The following CREB3L2 variants were observed in gnomAD, a reference collection of about 807,000 sequenced individuals.
The protein encoded by CREB3L2 is cAMP responsive element binding protein 3 like 2, also known as cyclic AMP-responsive element-binding protein 3-like protein 2.
Under a neutral mutation model 57.2 loss-of-function variants are expected in CREB3L2, and 23 were observed. The ratio of observed to expected loss-of-function variants is 0.40; its 90% CI spans 0.29 to 0.57. CREB3L2 has a LOEUF of 0.57. Among genes scored for constraint, CREB3L2 ranks in the 20% least tolerant of loss-of-function variants. The probability of loss-of-function intolerance (pLI) is 0.42; values close to 1 mark genes in which losing one functional copy is unlikely to be tolerated. For missense variants in CREB3L2, 628 were observed against 634.7 expected (o/e 0.99, Z 0.11); for synonymous variants, 268 against 265.1 (o/e 1.01, Z -0.11).
In CREB3L2 at chr7:137,928,259, C is replaced by T. The variant is rs368188380; in HGVS notation, c.210G>A (p.Pro70=). The T allele has an allele frequency of 4.3e-6, 7 of 1,613,630 alleles. No homozygotes were observed. The highest frequency in any genetic ancestry group is 3.3e-5 in the Admixed American group (2 of 59,954). The change falls in exon 2 of 12, where the codon CCG becomes CCA. Residue 70 remains proline (P), a synonymous_variant. Transcript: ENST00000330387. Reference sequence around the variant, plus strand: ...CCTGGATGAGAGGCGCCGGGGACGTCGGGGAAGGTTCCACCTCCATTGACA... The same window carrying T: ...CCTGGATGAGAGGCGCCGGGGACGTTGGGGAAGGTTCCACCTCCATTGACA... ...KSVSMEVEPS[P]TSPAPLIQAE...
At chr7:137,896,413 C>T (rs999654086) in intron 8 of CREB3L2, among the ~76,000 whole-genome samples, 3 of 152,090 alleles carry the variant, frequency 2.0e-5, no homozygotes, top group Admixed American at 6.6e-5. Context: ...GTGATTCTCC[C>T]GCCTCAGCCT....
intron 8 of CREB3L2, among the ~76,000 whole-genome samples, chr7:137,896,378 C>T (rs6973841): frequency 0.1 from 15,556 of 148,696 alleles, 2,440 homozygotes; most frequent in African/African-American, 0.36. Context: ...CTCGGCTCAC[C>T]GTAACCTCCG....
intron 1 of CREB3L2, among the ~76,000 whole-genome samples, chr7:137,970,552 A>G (rs1018645892): frequency 5.0e-5 from 7 of 141,088 alleles, no homozygotes; most frequent in Non-Finnish European, 1.6e-5. Context: ...TGTAAGAAGG[A>G]AAAATGGGTC....
Position 137,879,354 on chromosome 7 carries a change from G to C in CREB3L2, c.*1122C>G. The C allele has an allele frequency of 2.0e-6, 1 of 497,320 alleles. No homozygotes were observed. The allele number at this position is 497,320 out of a possible 1,614,324, so 30.8% of individuals were successfully genotyped here. ...AGTGGAAGTGTGGAGGGAGGAGGGG[G>C]CCAGGCAGGTGTGGAAAGCCAGCAA... On this transcript the variant is annotated 3_prime_UTR_variant, in exon 12 of 12. Coordinates refer to ENST00000330387, the MANE Select transcript of CREB3L2 (RefSeq NM_194071.4).
chr7:137,912,188 C>T (rs61630772), intron 4 of CREB3L2, among the ~76,000 whole-genome samples: 6,316 of 152,102 alleles, frequency 0.042, 410 homozygotes, highest in African/African-American at 0.14. Context: ...ACCAGCCTGA[C>T]CAATGTGGCA....
chr7:137,994,118 C>G (rs562228409), intron 1 of CREB3L2, among the ~76,000 whole-genome samples: 1 of 152,308 alleles, frequency 6.6e-6, no homozygotes, highest in South Asian at 2.1e-4. Context: ...AAAACAAGGG[C>G]AGCACTCCCT....
intron 2 of CREB3L2, chr7:137,922,491 C>T (rs865795921): frequency 0.042 from 8,808 of 208,376 alleles, 1,112 homozygotes; most frequent in African/African-American, 0.22. Context: ...TATATACACA[C>T]ACACACACAC....
chr7:137,899,491 A>G (rs1799708395), intron 8 of CREB3L2, among the ~76,000 whole-genome samples: 1 of 152,248 alleles, frequency 6.6e-6, no homozygotes, highest in African/African-American at 2.4e-5. Flanking sequence ...AGGATGCTAA[A>G]AACATGCATA....
chr7:137,889,263 T>G (rs934221920), intron 8 of CREB3L2, among the ~76,000 whole-genome samples: 6 of 152,088 alleles, frequency 3.9e-5, no homozygotes, highest in African/African-American at 1.4e-4. Flanking sequence ...TGAAAGAATA[T>G]CTTAGGCTCA....
chr7:137,985,451 T>C (rs111861803), intron 1 of CREB3L2, among the ~76,000 whole-genome samples: 3,173 of 152,264 alleles, frequency 0.021, 123 homozygotes, highest in African/African-American at 0.071. Context: ...CCAGGCCTCG[T>C]GGATGGAGAG....
intron 1 of CREB3L2, among the ~76,000 whole-genome samples, chr7:137,964,433 C>A (rs897578614): frequency 2.0e-5 from 3 of 152,218 alleles, no homozygotes; most frequent in African/African-American, 4.8e-5. Flanking sequence ...TGTGTTTCGA[C>A]AGGGGAATGT....
Position 137,941,432 on chromosome 7 carries a change from G to A in CREB3L2, c.103-13066C>T, listed in dbSNP as rs140489218. Among the ~76,000 whole-genome samples the A allele has an allele frequency of 3.1e-3, 468 of 152,266 alleles. 3 individuals are homozygous for A. The highest frequency in any genetic ancestry group is 0.01 in the African/African-American group (434 of 41,544). On this transcript the variant is annotated intron_variant, in intron 1 of 11. Transcript: ENST00000330387. ...GTTAGCAACCGCAGTTATTGGGAGC[G>A]CAGTAGCCATTGGCTGTCCGCTCCT...
chr7:137,875,983 C>G lies in CREB3L2; in HGVS notation c.*4493G>C. The G allele has an allele frequency of 4.4e-6, 1 of 228,064 alleles. No individual in the cohort carries two copies. The allele number at this position is 228,064 out of a possible 1,614,324, so 14.1% of individuals were successfully genotyped here. A position where few individuals can be genotyped will look rare whatever the true frequency, so the allele number is the denominator to read the frequency against. ...CACAAAGGCATGGAACATTAATCTT[C>G]AAATGAGCCAGGTTCCTTTGCCCTG... On this transcript the variant is annotated 3_prime_UTR_variant, in exon 12 of 12. Coordinates refer to ENST00000330387, the MANE Select transcript of CREB3L2 (RefSeq NM_194071.4).
intron 8 of CREB3L2, among the ~76,000 whole-genome samples, chr7:137,891,356 TTTTC>T (rs1228067983): frequency 1.8e-4 from 27 of 152,228 alleles, no homozygotes; most frequent in African/African-American, 2.4e-5. Context: ...CAGTCTCATG[TTTTC>T]TTTGTCTTTG....
chr7:137,906,495 C>A (rs571104492), intron 5 of CREB3L2, among the ~76,000 whole-genome samples: 2 of 152,222 alleles, frequency 1.3e-5, no homozygotes, highest in East Asian at 1.9e-4. Flanking sequence ...TAGCTCCATA[C>A]TAAATGCCAT....
chr7:137,891,277 TTG>T (rs1799523455), intron 8 of CREB3L2, among the ~76,000 whole-genome samples: 1 of 152,156 alleles, frequency 6.6e-6, no homozygotes, highest in African/African-American at 2.4e-5. Flanking sequence ...TCAAAGGAAA[TTG>T]GGCAAAACAT....
chr7:138,001,667 C>A lies in CREB3L2; in HGVS notation c.39G>T (p.Gln13His), dbSNP rs1243366965. The change falls in exon 1 of 12, where the codon CAG becomes CAT. Residue 13 changes from glutamine to histidine, a missense_variant. By Grantham distance (24) the Gln-to-His change is conservative. Coordinates refer to ENST00000330387, the MANE Select transcript of CREB3L2 (RefSeq NM_194071.4). The surrounding 1 kb of genome is among the most constrained non-coding windows in gnomAD (Gnocchi z 4.2). ...VLESGEQGVL[Q>H]WDRKLSELSE... The stretch of plus-strand genomic sequence containing the variant: ...ACAGCTCGCTCAGCTTGCGGTCCCA[C>A]TGCAGCACGCCCTGCTCCCCGCTCT... The A allele has an allele frequency of 6.2e-7, 1 of 1,612,972 alleles. No homozygotes were observed. Among genetic ancestry groups the A allele is most frequent in the Non-Finnish European group, 8.5e-7 (1 of 1,179,836 alleles).
In CREB3L2 at chr7:137,913,022, C is replaced by T. The variant is rs1563249599; in HGVS notation, c.552G>A (p.Val184=). The change falls in exon 4 of 12, where the codon GTG becomes GTA. Residue 184 remains valine (V), a synonymous_variant. Coordinates refer to ENST00000330387, the MANE Select transcript of CREB3L2 (RefSeq NM_194071.4). ...IPKIKLEPHE[V]DQFLNFSPKE... The stretch of plus-strand genomic sequence containing the variant: ...TAGGAGAGAAGTTTAGAAACTGATC[C>T]ACTTCATGAGGCTCCAGCTTAATTT... 6.2e-7 allele frequency: 1 copy of T among 1,613,968 alleles called. No individual in the cohort carries two copies. Among genetic ancestry groups the T allele is most frequent in the Non-Finnish European group, 8.5e-7 (1 of 1,179,914 alleles).
chr7:137,884,077 C>T (rs914538661), intron 10 of CREB3L2, among the ~76,000 whole-genome samples: 1 of 152,200 alleles, frequency 6.6e-6, no homozygotes, highest in African/African-American at 2.4e-5. Flanking sequence ...ACGATCTCGG[C>T]TCACTGCAAC....
Sources: allele counts gnomAD v4.1 joint callset (sites outside exome capture counted in the v4.1 genomes callset), GRCh38; gene constraint gnomAD v4.1.1; non-coding constraint Gnocchi (gnomAD v3.1); transcripts MANE v1.5; gene names NCBI Gene and HGNC (gene_info 2026-07-23, HGNC 2026-07-21).